Variants in AMOTL1 observed in about 807,000 individuals in gnomAD.
The protein encoded by AMOTL1 is angiomotin like 1.
Under a neutral mutation model 102.9 loss-of-function variants are expected in AMOTL1, and 45 were observed. The ratio of observed to expected loss-of-function variants is 0.44; its 90% CI spans 0.34 to 0.56. The LOEUF (loss-of-function observed/expected upper bound fraction) is 0.56, where lower values mean the gene tolerates loss of function less well. AMOTL1 is among the 20% of genes least tolerant of loss of function. The pLI is 0.01. For missense variants in AMOTL1, 1,114 were observed against 1,225.6 expected (o/e 0.91, Z 1.36); for synonymous variants, 481 against 484.7 (o/e 0.99, Z 0.10).
chr11:94,776,113 ATCCGT>A (rs894979539), intron 1 of AMOTL1, among the ~76,000 whole-genome samples: 3 of 152,202 alleles, frequency 2.0e-5, no homozygotes, highest in African/African-American at 7.2e-5. Context: ...TCCACCTTGG[ATCCGT>A]TCCACTGTTG....
chr11:94,709,757 G>C (rs1949991414), intron 1 of AMOTL1, among the ~76,000 whole-genome samples: 1 of 152,104 alleles, frequency 6.6e-6, no homozygotes, highest in Non-Finnish European at 1.5e-5. Flanking sequence ...ATAGAACATT[G>C]AGAGATAATA....
chr11:94,800,756 C>T (rs1006135004), intron 3 of AMOTL1, among the ~76,000 whole-genome samples: 2 of 152,176 alleles, frequency 1.3e-5, no homozygotes, highest in Non-Finnish European at 2.9e-5. Context: ...ATCACATAGT[C>T]CCATCCCTCA....
chr11:94,735,614 T>A (rs1950427879), intron 2 of AMOTL1, among the ~76,000 whole-genome samples: 1 of 152,258 alleles, frequency 6.6e-6, no homozygotes. Flanking sequence ...TGGAGCAAAA[T>A]TTCATTTAGA....
intron 1 of AMOTL1, among the ~76,000 whole-genome samples, chr11:94,785,249 A>G (rs72971761): frequency 8.6e-5 from 13 of 152,040 alleles, no homozygotes; most frequent in Non-Finnish European, 1.6e-4. Flanking sequence ...ATTTGGTGGG[A>G]AAAAAAAGAC....
chr11:94,731,184 G>A lies in AMOTL1; in HGVS notation c.85+2129G>A, dbSNP rs1950344674. On this transcript the variant is annotated intron_variant, in intron 2 of 4. Transcript: ENST00000299004. ...AAGTGACGAGCTTCTGGGGCTGAGG[G>A]AAAAGCTTAGTTCTGGTAGGCAACA... Among the ~76,000 whole-genome samples, 4 of 152,322 alleles carry A rather than the reference G, an allele frequency of 2.6e-5. No individual in the cohort carries two copies. In the South Asian group the frequency reaches 8.3e-4, roughly 32 times the overall value.
intron 3 of AMOTL1, among the ~76,000 whole-genome samples, chr11:94,741,308 A>C (rs1247938023): frequency 6.6e-6 from 1 of 152,116 alleles, no homozygotes; most frequent in African/African-American, 2.4e-5. Context: ...CTGGCACAGC[A>C]AACTTCCAGA....
At chr11:94,775,099 CAT>C (rs2135522936) in intron 1 of AMOTL1, among the ~76,000 whole-genome samples, 1 of 152,278 alleles carries the variant, frequency 6.6e-6, no homozygotes, top group Non-Finnish European at 1.5e-5. Context: ...GCTTAAATGA[CAT>C]AGTGAATGTG....
intron 3 of AMOTL1, among the ~76,000 whole-genome samples, chr11:94,813,061 C>T (rs1430677537): frequency 6.6e-6 from 1 of 152,226 alleles, no homozygotes; most frequent in East Asian, 1.9e-4. Flanking sequence ...CAGGAGGTCA[C>T]CTAGCCTTAT....
intron 1 of AMOTL1, among the ~76,000 whole-genome samples, chr11:94,727,915 A>C (rs906550644): frequency 6.6e-6 from 1 of 152,182 alleles, no homozygotes; most frequent in African/African-American, 2.4e-5. Flanking sequence ...ATAGCCAAAA[A>C]GCAACAAGTC....
At chr11:94,802,901 G>T (rs1309969053) in intron 3 of AMOTL1, among the ~76,000 whole-genome samples, 1 of 152,226 alleles carries the variant, frequency 6.6e-6, no homozygotes, top group Admixed American at 6.5e-5. Context: ...GACAAGTAGG[G>T]CCCCTTTCAT....
intron 3 of AMOTL1, among the ~76,000 whole-genome samples, chr11:94,760,744 T>C (rs1475299393): frequency 6.6e-6 from 1 of 152,222 alleles, no homozygotes; most frequent in Non-Finnish European, 1.5e-5. Context: ...CTTCTTTATA[T>C]GTTTTAGTAA....
At chr11:94,797,998 G>A (rs1951400490) in intron 2 of AMOTL1, among the ~76,000 whole-genome samples, 1 of 152,162 alleles carries the variant, frequency 6.6e-6, no homozygotes, top group Non-Finnish European at 1.5e-5. Flanking sequence ...CAGAGGGGTG[G>A]GTTTGGAAGT....
At chr11:94,812,105 C>A (rs924565235) in intron 3 of AMOTL1, among the ~76,000 whole-genome samples, 8 of 152,190 alleles carry the variant, frequency 5.3e-5, no homozygotes, top group Admixed American at 6.5e-5. Flanking sequence ...AGCAAATTGT[C>A]CTATTGATCC....
At position 94,854,118 on chromosome 11, in the gene AMOTL1, A is replaced by G. The variant is rs143489521; in HGVS notation, c.1944+36A>G. On this transcript the variant is annotated intron_variant, in intron 8 of 12. Transcript: ENST00000433060. ...GGGCATGGACTGGTGAAAGAATTAG[A>G]TATGTTCACTCAGCAAACGTATGGA... 9.4e-5 allele frequency: 141 copies of G among 1,493,284 alleles called. No individual in the cohort carries two copies. In the African/African-American group the frequency reaches 1.9e-3, roughly 20 times the overall value. 92.5% of individuals were successfully genotyped at this position (1,493,284 alleles called of 1,614,324 possible). A position where few individuals can be genotyped will look rare whatever the true frequency, so the allele number is the denominator to read the frequency against.
chr11:94,866,504 CAG>C, intron 11 of AMOTL1: 1 of 303,782 alleles, frequency 3.3e-6, no homozygotes, highest in South Asian at 3.6e-5. Flanking sequence ...TGCTCTAGAC[CAG>C]TTGTATGACG....
At chr11:94,734,815 C>T (rs1950412818) in intron 2 of AMOTL1, among the ~76,000 whole-genome samples, 1 of 152,162 alleles carries the variant, frequency 6.6e-6, no homozygotes, top group African/African-American at 2.4e-5. Flanking sequence ...CAGCTCAGCT[C>T]ACTTCTTTCT....
intron 3 of AMOTL1, among the ~76,000 whole-genome samples, chr11:94,744,383 G>A (rs184556252): frequency 1.3e-5 from 2 of 152,320 alleles, no homozygotes; most frequent in Admixed American, 6.5e-5. Flanking sequence ...TGTCCTTTTA[G>A]AGTTGGGGTG....
At chr11:94,823,601 C>T (rs1029029389) in intron 4 of AMOTL1, among the ~76,000 whole-genome samples, 29 of 152,098 alleles carry the variant, frequency 1.9e-4, no homozygotes, top group African/African-American at 6.8e-4. Flanking sequence ...CTATACAGAC[C>T]CACTTGAAGG....
intron 5 of AMOTL1, 118 bp downstream of exon 5, chr11:94,830,312 T>C (rs2135660537): frequency 1.1e-6 from 1 of 944,060 alleles, no homozygotes; most frequent in Non-Finnish European, 1.5e-6. Flanking sequence ...TGTTGGATAA[T>C]CTTGTGTATT....
Sources: gnomAD v4.1 joint callset for allele counts (sites outside exome capture counted in the v4.1 genomes callset) on GRCh38, gnomAD v4.1.1 for gene constraint, MANE v1.5 for transcripts, NCBI Gene and HGNC (gene_info 2026-07-23, HGNC 2026-07-21) for gene names.